Variants in CALN1 observed in about 807,000 individuals in gnomAD.
The protein encoded by CALN1 is calneuron 1.
CALN1 carries 17 observed loss-of-function variants against 30.6 expected under a neutral mutation model. That is an observed-to-expected ratio of 0.56 (90% CI 0.38 to 0.83). The LOEUF (loss-of-function observed/expected upper bound fraction) is 0.83. Ranked by LOEUF, CALN1 falls within the 40% of genes least tolerant of loss-of-function variation. The probability of loss-of-function intolerance (pLI) is 0.00; values close to 1 mark genes in which losing one functional copy is unlikely to be tolerated. For missense variants in CALN1, 291 were observed against 354.9 expected (o/e 0.82, Z 1.45); for synonymous variants, 156 against 131.4 (o/e 1.19, Z -1.28).
At chr7:72,216,471 G>A (rs1290803250) in intron 3 of CALN1, among the ~76,000 whole-genome samples, 1 of 152,012 alleles carries the variant, frequency 6.6e-6, no homozygotes, top group East Asian at 1.9e-4. Flanking sequence ...CTGGGGATTA[G>A]GAGGTGGCAT....
chr7:71,897,183 A>C (rs964961865), intron 5 of CALN1, among the ~76,000 whole-genome samples: 1 of 152,212 alleles, frequency 6.6e-6, no homozygotes, highest in Admixed American at 6.5e-5. Context: ...GTCCAGCATC[A>C]CAGGCCTTTC....
At chr7:72,203,329 G>C (rs1043077464) in intron 3 of CALN1, among the ~76,000 whole-genome samples, 2 of 151,642 alleles carry the variant, frequency 1.3e-5, no homozygotes, top group African/African-American at 4.8e-5. Context: ...TTCTGCACAT[G>C]TATCCCAGAA....
intron 4 of CALN1, among the ~76,000 whole-genome samples, chr7:72,099,457 T>TC: frequency 1.3e-5 from 2 of 151,432 alleles, no homozygotes. Context: ...ATAATTAGAA[T>TC]CTTTTTTTTT....
At chr7:71,889,459 C>A (rs71551231) in intron 5 of CALN1, among the ~76,000 whole-genome samples, 17,785 of 152,100 alleles carry the variant, frequency 0.12, 1,504 homozygotes, top group East Asian at 0.43. Context: ...AGTAGCTTCC[C>A]CCCATTTGCA....
At chr7:72,336,635 C>T (rs1307353089) in intron 2 of CALN1, 6 of 955,760 alleles carry the variant, frequency 6.3e-6, no homozygotes, top group Non-Finnish European at 7.5e-6. Context: ...TAGAGAGAAG[C>T]GAGGACCGAG....
At position 72,121,094 on chromosome 7, in the gene CALN1, TTA is replaced by T. The variant is rs1808342682; in HGVS notation, c.245-14802_245-14801del. On this transcript the variant is annotated intron_variant, in intron 3 of 6. Transcript: ENST00000395275. ...ATCTATATTATAACTTATATATGAA[TTA>T]TATATTATATATAAAATCTATATCT... Among the ~76,000 whole-genome samples the T allele has an allele frequency of 2.7e-5, 4 of 146,942 alleles. No homozygotes were observed. In the South Asian group the frequency reaches 8.3e-4, roughly 31 times the overall value.
intron 5 of CALN1, among the ~76,000 whole-genome samples, chr7:71,925,020 T>C (rs887918616): frequency 6.6e-6 from 1 of 152,136 alleles, no homozygotes; most frequent in African/African-American, 2.4e-5. Flanking sequence ...GTGGGCAGAC[T>C]ACTTGAGGTC....
rs1792091395 is a variant in CALN1 at position 71,873,899 on chromosome 7, T to C, written c.502-63407A>G. Among the ~76,000 whole-genome samples the C allele has an allele frequency of 2.0e-5, 3 of 152,378 alleles. No individual in the cohort carries two copies. In the South Asian group the frequency reaches 6.2e-4, roughly 32 times the overall value. On this transcript the variant is annotated intron_variant, in intron 5 of 6. Transcript: ENST00000395275. ...CAAATGAGGATTTTAAGCCTTGATA[T>C]ATACATTCAACTAACCTGACCATAA...
intron 3 of CALN1, among the ~76,000 whole-genome samples, chr7:72,217,493 C>A (rs1792917756): frequency 6.6e-6 from 1 of 152,164 alleles, no homozygotes; most frequent in Admixed American, 6.6e-5. Context: ...CTTCAAAGAG[C>A]AAAGTGTGGG....
At chr7:72,061,227 G>A (rs573296479) in intron 4 of CALN1, among the ~76,000 whole-genome samples, 31 of 152,238 alleles carry the variant, frequency 2.0e-4, no homozygotes, top group Non-Finnish European at 3.7e-4. Flanking sequence ...ATGTCCAGAC[G>A]ATAATACAAA....
chr7:72,057,059 G>T (rs1484156076), intron 4 of CALN1, among the ~76,000 whole-genome samples: 1 of 151,898 alleles, frequency 6.6e-6, no homozygotes, highest in Non-Finnish European at 1.5e-5. Context: ...TCCTGCCTCA[G>T]CCTCCCCAGT....
At chr7:72,492,646 G>T in the CALN1 span, among the ~76,000 whole-genome samples, 1 of 152,252 alleles carries the variant, frequency 6.6e-6, no homozygotes, top group Non-Finnish European at 1.5e-5. Flanking sequence ...CGCTGGGTCA[G>T]CCCTCGTGGC....
chr7:71,842,652 G>A (rs1790002634), intron 5 of CALN1, among the ~76,000 whole-genome samples: 4 of 152,178 alleles, frequency 2.6e-5, no homozygotes, highest in Admixed American at 2.6e-4. Flanking sequence ...ATGCCTGCAA[G>A]CTGTGCTTGT....
At chr7:72,042,666 A>AT (rs1802203803) in intron 4 of CALN1, among the ~76,000 whole-genome samples, 1 of 152,000 alleles carries the variant, frequency 6.6e-6, no homozygotes, top group Non-Finnish European at 1.5e-5. Context: ...AGGCCAACAG[A>AT]TTGAGGCTGC....
chr7:72,270,092 CGTGTGT>C (rs538948120), intron 3 of CALN1, among the ~76,000 whole-genome samples: 1 of 149,618 alleles, frequency 6.7e-6, no homozygotes, highest in Non-Finnish European at 1.5e-5. Context: ...TGGGTGTTTC[CGTGTGT>C]GTGTGTGTGT....
At chr7:72,084,622 A>G (rs972238287) in intron 4 of CALN1, among the ~76,000 whole-genome samples, 17 of 152,050 alleles carry the variant, frequency 1.1e-4, no homozygotes, top group Non-Finnish European at 1.6e-4. Context: ...CGGCCTCCCA[A>G]TGTGCTGGGA....
At chr7:71,819,865 C>T (rs1283990930) in intron 5 of CALN1, among the ~76,000 whole-genome samples, 1 of 152,066 alleles carries the variant, frequency 6.6e-6, no homozygotes, top group Non-Finnish European at 1.5e-5. Context: ...TTTCTGTAAA[C>T]CCAAAATAGA....
At chr7:72,405,576 C>A (rs568325879) in intron 1 of CALN1, among the ~76,000 whole-genome samples, 1 of 152,212 alleles carries the variant, frequency 6.6e-6, no homozygotes, top group Non-Finnish European at 1.5e-5. Flanking sequence ...CTCTCTTACA[C>A]ATGCCTATGA....
intron 5 of CALN1, among the ~76,000 whole-genome samples, chr7:71,972,786 G>T (rs1392017780): frequency 2.0e-5 from 3 of 152,186 alleles, no homozygotes; most frequent in African/African-American, 7.2e-5. Context: ...TTTGATTCCT[G>T]TATAGCAATC....
Sources: gnomAD v4.1 joint callset for allele counts (sites outside exome capture counted in the v4.1 genomes callset) on GRCh38, gnomAD v4.1.1 for gene constraint, MANE v1.5 for transcripts, NCBI Gene and HGNC (gene_info 2026-07-23, HGNC 2026-07-21) for gene names.